The following NEDD4L variants were observed in gnomAD, a reference collection of about 807,000 sequenced individuals.
NEDD4L encodes NEDD4 like E3 ubiquitin protein ligase.
A neutral mutation model predicts 148.9 loss-of-function variants in NEDD4L; 54 were observed. The observed-to-expected ratio is 0.36, with a 90% CI of 0.29 to 0.45. The LOEUF is 0.45. Ranked by LOEUF, NEDD4L falls within the 20% of genes least tolerant of loss-of-function variation. NEDD4L has a pLI of 1.00. For missense variants in NEDD4L, 856 were observed against 1,233.8 expected (o/e 0.69, Z 4.59); for synonymous variants, 433 against 440.7 (o/e 0.98, Z 0.22).
chr18:58,233,818 C>G (rs1340396210), intron 2 of NEDD4L, among the ~76,000 whole-genome samples: 3 of 152,214 alleles, frequency 2.0e-5, no homozygotes, highest in Non-Finnish European at 4.4e-5. Context: ...CAGGATTCTG[C>G]TGTCTCTGAG....
At chr18:58,320,593 G>T (rs116316224) in intron 6 of NEDD4L, among the ~76,000 whole-genome samples, 1 of 152,112 alleles carries the variant, frequency 6.6e-6, no homozygotes, top group African/African-American at 2.4e-5. Flanking sequence ...GCAGGAGGAC[G>T]TCTTGAGCTC....
intron 12 of NEDD4L, chr18:58,334,168 T>C: frequency 2.7e-6 from 1 of 372,172 alleles, no homozygotes; most frequent in Non-Finnish European, 4.8e-6. Flanking sequence ...CTTGGTACAT[T>C]AGTTAGTAAT....
intron 4 of NEDD4L, among the ~76,000 whole-genome samples, chr18:58,249,258 G>A (rs573659275): frequency 1.3e-5 from 2 of 152,230 alleles, no homozygotes; most frequent in African/African-American, 2.4e-5. Context: ...TCTATGAGAC[G>A]GGTTATGAAA....
At chr18:58,354,367 C>T (rs1454870026) in intron 18 of NEDD4L, among the ~76,000 whole-genome samples, 1 of 151,994 alleles carries the variant, frequency 6.6e-6, no homozygotes, top group Admixed American at 6.6e-5. Context: ...AGTTTCTCAT[C>T]CTTCCACTTC....
chr18:58,189,920 T>C (rs1182966155), intron 2 of NEDD4L: 1 of 152,218 alleles, frequency 6.6e-6, no homozygotes, highest in African/African-American at 2.4e-5. Context: ...ACGATCCATG[T>C]TATTGAAGTA....
chr18:58,388,509 C>T (rs1006179326), intron 27 of NEDD4L: 5 of 152,230 alleles, frequency 3.3e-5, no homozygotes, highest in African/African-American at 1.2e-4. Flanking sequence ...CCACAGGAAA[C>T]CTCCCCTGAT....
intron 1 of NEDD4L, among the ~76,000 whole-genome samples, chr18:58,082,079 A>AATATATATATATATATATAT (rs72331379): frequency 2.2e-5 from 2 of 89,980 alleles, no homozygotes; most frequent in Admixed American, 1.4e-4. Context: ...CTTTCTGATG[A>AATATATATATATATATATAT]ATATATATAT....
At chr18:58,104,424 G>A (rs929931776) in intron 1 of NEDD4L, among the ~76,000 whole-genome samples, 2 of 152,160 alleles carry the variant, frequency 1.3e-5, no homozygotes, top group African/African-American at 4.8e-5. Context: ...CGCGGACGTG[G>A]TGGTTGTATG....
intron 10 of NEDD4L, 101 bp from the exon 11 acceptor site, chr18:58,330,637 T>C (rs1165030955): frequency 4.5e-6 from 4 of 882,938 alleles, no homozygotes; most frequent in Non-Finnish European, 6.5e-6. Flanking sequence ...GTGTTAATTA[T>C]AGTTATCACC....
At chr18:58,234,111 C>CTTTTCTT (rs1568443141) in intron 2 of NEDD4L, among the ~76,000 whole-genome samples, 3,432 of 70,756 alleles carry the variant, frequency 0.049, 241 homozygotes, top group African/African-American at 0.16. Context: ...CTTTTCTTTT[C>CTTTTCTT]TTTTCTTTTC....
intron 5 of NEDD4L, among the ~76,000 whole-genome samples, chr18:58,287,560 C>G (rs2054117465): frequency 6.6e-6 from 1 of 152,168 alleles, no homozygotes; most frequent in Non-Finnish European, 1.5e-5. Context: ...CTTCATAGAA[C>G]AGAATCTAAA....
intron 1 of NEDD4L, among the ~76,000 whole-genome samples, chr18:58,130,911 C>T (rs576252): frequency 7.9e-4 from 107 of 135,204 alleles, no homozygotes; most frequent in African/African-American, 2.7e-3. Flanking sequence ...TGTGATCTAG[C>T]GGAACTGTGG....
At chr18:58,283,058 TTTA>T (rs2053399411) in intron 5 of NEDD4L, among the ~76,000 whole-genome samples, 1 of 145,102 alleles carries the variant, frequency 6.9e-6, no homozygotes, top group Non-Finnish European at 1.5e-5. Flanking sequence ...GCCTTATTTA[TTTA>T]TTTATTTATT....
chr18:58,190,216 ACT>A (rs1402459801), intron 2 of NEDD4L, among the ~76,000 whole-genome samples: 1 of 152,100 alleles, frequency 6.6e-6, no homozygotes, highest in African/African-American at 2.4e-5. Flanking sequence ...ATGCAAAGAA[ACT>A]CTCCTAAGGA....
chr18:58,359,166 T>A (rs1261074045), intron 19 of NEDD4L, among the ~76,000 whole-genome samples: 1 of 152,210 alleles, frequency 6.6e-6, no homozygotes, highest in Non-Finnish European at 1.5e-5. Context: ...TGTTGCCCTG[T>A]CGATGTTGTC....
At chr18:58,161,140 C>G (rs1203057177) in intron 1 of NEDD4L, among the ~76,000 whole-genome samples, 1 of 152,166 alleles carries the variant, frequency 6.6e-6, no homozygotes. Context: ...CCTCCATTCT[C>G]CTGCCTCAGC....
chr18:58,081,314 C>T (rs2083420378), intron 1 of NEDD4L, among the ~76,000 whole-genome samples: 1 of 145,796 alleles, frequency 6.9e-6, no homozygotes. Context: ...CTCCTGGGTT[C>T]ACGCCATGCT....
intron 19 of NEDD4L, among the ~76,000 whole-genome samples, chr18:58,362,593 G>A (rs1042820448): frequency 2.6e-5 from 4 of 152,104 alleles, no homozygotes; most frequent in Middle Eastern, 3.2e-3. Flanking sequence ...GCACTACCAC[G>A]GTTTATTCAT....
chr18:58,308,604 G>A (rs1568645222), intron 5 of NEDD4L, among the ~76,000 whole-genome samples: 4 of 152,234 alleles, frequency 2.6e-5, no homozygotes, highest in Non-Finnish European at 5.9e-5. Context: ...GAATAAAGGC[G>A]GTGACCATCA....
Sources: gnomAD v4.1 joint callset for allele counts (sites outside exome capture counted in the v4.1 genomes callset) on GRCh38, gnomAD v4.1.1 for gene constraint, MANE v1.5 for transcripts, NCBI Gene and HGNC (gene_info 2026-07-23, HGNC 2026-07-21) for gene names.